Variants in CYRIB observed in about 807,000 individuals in gnomAD.
The protein encoded by CYRIB is CYFIP-related Rac1 interactor B.
Under a neutral mutation model 44.2 loss-of-function variants are expected in CYRIB, and 8 were observed. The observed-to-expected ratio is 0.18, with a 90% CI of 0.11 to 0.33. CYRIB has a LOEUF of 0.33. Among genes scored for constraint, CYRIB ranks in the 10% least tolerant of loss-of-function variants. CYRIB has a pLI of 1.00. For missense variants in CYRIB, 185 were observed against 382.8 expected (o/e 0.48, Z 4.31); for synonymous variants, 131 against 127.2 (o/e 1.03, Z -0.20).
intron 1 of CYRIB, among the ~76,000 whole-genome samples, chr8:129,937,621 G>C (rs1177792368): frequency 6.6e-6 from 1 of 152,158 alleles, no homozygotes; most frequent in Non-Finnish European, 1.5e-5. Flanking sequence ...CATTCACTTA[G>C]TTTTACTCAA....
chr8:129,893,209 A>G (rs527992643), intron 2 of CYRIB, among the ~76,000 whole-genome samples: 3 of 152,352 alleles, frequency 2.0e-5, no homozygotes, highest in African/African-American at 7.2e-5. Context: ...TATAAGCCTC[A>G]GATACTTCTA....
At chr8:129,925,234 C>T (rs1325596614) in intron 1 of CYRIB, among the ~76,000 whole-genome samples, 5 of 152,078 alleles carry the variant, frequency 3.3e-5, no homozygotes, top group Admixed American at 6.6e-5. Flanking sequence ...CCCGCCTCTA[C>T]TAAAAATACA....
At chr8:129,899,533 A>C (rs1337950800) in intron 2 of CYRIB, among the ~76,000 whole-genome samples, 1 of 152,218 alleles carries the variant, frequency 6.6e-6, no homozygotes, top group Non-Finnish European at 1.5e-5. Flanking sequence ...TAAAAAGGAA[A>C]TGTTTATATA....
intron 1 of CYRIB, among the ~76,000 whole-genome samples, chr8:130,009,785 T>C (rs1038402856): frequency 4.6e-5 from 7 of 152,196 alleles, no homozygotes; most frequent in Non-Finnish European, 8.8e-5. Context: ...CAGGTGATAG[T>C]AGCCCAGCTT....
chr8:129,913,883 A>G (rs1198710789), intron 1 of CYRIB, among the ~76,000 whole-genome samples: 1 of 152,250 alleles, frequency 6.6e-6, no homozygotes, highest in East Asian at 1.9e-4. Context: ...TGTATAGACC[A>G]TAACCATAAA....
intron 1 of CYRIB, among the ~76,000 whole-genome samples, chr8:129,920,522 A>G (rs2083008969): frequency 6.6e-6 from 1 of 152,142 alleles, no homozygotes; most frequent in South Asian, 2.1e-4. Flanking sequence ...CTTAGTTTAA[A>G]TGATTTTTAA....
At chr8:129,921,360 T>C (rs1027875177) in intron 1 of CYRIB, among the ~76,000 whole-genome samples, 6 of 152,240 alleles carry the variant, frequency 3.9e-5, no homozygotes, top group East Asian at 3.8e-4. Context: ...TATTCAGATA[T>C]ACATTAACAG....
At chr8:129,992,695 G>A (rs768266865) in intron 1 of CYRIB, among the ~76,000 whole-genome samples, 2 of 152,152 alleles carry the variant, frequency 1.3e-5, no homozygotes, top group African/African-American at 2.4e-5. Flanking sequence ...CCCATTGTTC[G>A]TATCTCTACC....
At chr8:129,980,961 G>A (rs2096212525) in intron 1 of CYRIB, among the ~76,000 whole-genome samples, 2 of 151,206 alleles carry the variant, frequency 1.3e-5, no homozygotes, top group Non-Finnish European at 2.9e-5. Flanking sequence ...TCCAGCCTGT[G>A]TAACAGAGTG....
rs149571016 is a variant in CYRIB at position 129,889,230 on chromosome 8, C to T, written c.-10-9759G>A. Among the ~76,000 whole-genome samples, 72 of 152,252 alleles carry T rather than the reference C, an allele frequency of 4.7e-4. No individual in the cohort carries two copies. The South Asian group carries it at 0.01, about 21-fold the overall frequency. On this transcript the variant is annotated intron_variant, in intron 2 of 11. Coordinates refer to ENST00000519824, the Ensembl canonical transcript of CYRIB. The stretch of plus-strand genomic sequence containing the variant: ...GGTGTACTCAATATTCTAAGCCCAC[C>T]ATTGAGCCCTATTCCTCAGAAAAAA...
At chr8:129,866,478 C>T (rs1385123188) in intron 4 of CYRIB, among the ~76,000 whole-genome samples, 1 of 151,142 alleles carries the variant, frequency 6.6e-6, no homozygotes, top group Non-Finnish European at 1.5e-5. Context: ...TTCTTGAGAT[C>T]TAAATTCCTT....
At chr8:129,861,796 C>T (rs1378733319) in intron 5 of CYRIB, among the ~76,000 whole-genome samples, 2 of 152,060 alleles carry the variant, frequency 1.3e-5, no homozygotes, top group Admixed American at 6.6e-5. Flanking sequence ...TAAGCGTAAC[C>T]AGTAAAAATT....
intron 2 of CYRIB, chr8:129,901,483 G>A (rs912938485): frequency 2.0e-5 from 3 of 152,158 alleles, no homozygotes; most frequent in African/African-American, 7.2e-5. Context: ...GAAGTGCGAG[G>A]ATTACAGGCA....
At chr8:130,000,213 A>G (rs1254857574) in intron 1 of CYRIB, among the ~76,000 whole-genome samples, 1 of 152,166 alleles carries the variant, frequency 6.6e-6, no homozygotes, top group Middle Eastern at 3.2e-3. Context: ...ATGTGAGGAC[A>G]AGAGAAAGGT....
chr8:129,847,731 T>A (rs779904899), intron 10 of CYRIB, among the ~76,000 whole-genome samples: 4 of 152,164 alleles, frequency 2.6e-5, no homozygotes, highest in Non-Finnish European at 5.9e-5. Flanking sequence ...CTGGTTGTTA[T>A]AAAAAAGCAT....
chr8:129,915,003 G>A (rs1479584410), intron 1 of CYRIB, among the ~76,000 whole-genome samples: 1 of 152,044 alleles, frequency 6.6e-6, no homozygotes, highest in Non-Finnish European at 1.5e-5. Context: ...CATACCAGAT[G>A]GCTAAAAAAA....
At position 129,843,704 on chromosome 8, in the gene CYRIB, G is replaced by A. The variant is rs932384325; in HGVS notation, c.912-1499C>T. Among the ~76,000 whole-genome samples, 4 of 152,166 alleles carry A rather than the reference G, an allele frequency of 2.6e-5. No homozygotes were observed. In the East Asian group the frequency reaches 7.7e-4, roughly 29 times the overall value. ...GGTGTGTGTCACCATGCCCAGCTAG[G>A]ACTACATCCTTTTCAGCAGGTCCAC... On this transcript the variant is annotated intron_variant, in intron 11 of 11. Coordinates refer to ENST00000519824, the Ensembl canonical transcript of CYRIB.
At chr8:129,924,296 G>GT (rs2085949653) in intron 1 of CYRIB, among the ~76,000 whole-genome samples, 1 of 99,474 alleles carries the variant, frequency 1.0e-5, no homozygotes, top group African/African-American at 3.6e-5. Context: ...AAAACCGGGG[G>GT]GGGGGGGGGT....
At chr8:129,916,824 T>C (rs1448484382) in intron 1 of CYRIB, among the ~76,000 whole-genome samples, 1 of 152,198 alleles carries the variant, frequency 6.6e-6, no homozygotes. Flanking sequence ...ATGCAGTGCT[T>C]AAGTATTTTA....
Sources: allele counts gnomAD v4.1 joint callset (sites outside exome capture counted in the v4.1 genomes callset), GRCh38; gene constraint gnomAD v4.1.1; transcripts MANE v1.5; gene names NCBI Gene and HGNC (gene_info 2026-07-23, HGNC 2026-07-21).